The following LRP1B variants were observed in gnomAD, a reference collection of about 807,000 sequenced individuals.
LRP1B encodes the protein low-density lipoprotein receptor-related protein 1B.
A neutral mutation model predicts 556.6 loss-of-function variants in LRP1B; 217 were observed. The ratio of observed to expected loss-of-function variants is 0.39; its 90% CI spans 0.35 to 0.44. The LOEUF (loss-of-function observed/expected upper bound fraction) is 0.44, where lower values mean the gene tolerates loss of function less well. LRP1B is among the 20% of genes least tolerant of loss of function. The pLI is 1.00. For synonymous variants in LRP1B, 2,047 were observed against 1,865.8 expected (o/e 1.10, Z -2.50); for missense variants, 5,053 against 5,620.8 (o/e 0.90, Z 3.23).
intron 1 of LRP1B, among the ~76,000 whole-genome samples, chr2:141,987,583 C>G (rs1450114732): frequency 8.3e-6 from 1 of 120,276 alleles, no homozygotes; most frequent in Non-Finnish European, 1.8e-5. Flanking sequence ...TTCTTTTTCT[C>G]TCTTTGTGTC....
At chr2:140,632,946 C>T (rs1683941312) in intron 41 of LRP1B, among the ~76,000 whole-genome samples, 1 of 151,794 alleles carries the variant, frequency 6.6e-6, no homozygotes, top group South Asian at 2.1e-4. Flanking sequence ...ACCTGTAGTC[C>T]CAGCTACGTG....
intron 2 of LRP1B, among the ~76,000 whole-genome samples, chr2:141,612,145 A>C (rs563503827): frequency 6.4e-4 from 97 of 152,334 alleles, no homozygotes; most frequent in African/African-American, 2.2e-3. Flanking sequence ...ACTGCTTCAG[A>C]ATTAGTCATC....
At chr2:140,758,299 A>G (rs924384116) in intron 35 of LRP1B, among the ~76,000 whole-genome samples, 8 of 152,100 alleles carry the variant, frequency 5.3e-5, no homozygotes, top group Admixed American at 3.9e-4. Context: ...TAAAAGAAAC[A>G]AGAAACAATC....
At chr2:140,870,390 C>T (rs540827636) in intron 25 of LRP1B, among the ~76,000 whole-genome samples, 1 of 152,252 alleles carries the variant, frequency 6.6e-6, no homozygotes, top group African/African-American at 2.4e-5. Context: ...CCTCAAAATG[C>T]CTTACATTCC....
chr2:141,005,217 C>G, intron 15 of LRP1B, 118 bp downstream of exon 15: 1 of 1,113,132 alleles, frequency 9.0e-7, no homozygotes, highest in South Asian at 1.9e-5. Context: ...AGAATTATAT[C>G]TAAATAATTA....
In LRP1B at chr2:141,667,991, A is replaced by G. The variant is rs190818868; in HGVS notation, c.205+142288T>C. ...ATAATACATAACCAAGAGTTATTATATTAGAGATTACATGTGTATGTCAAG... is the reference window on the plus strand; with the variant it reads ...ATAATACATAACCAAGAGTTATTATGTTAGAGATTACATGTGTATGTCAAG... On this transcript the variant is annotated intron_variant, in intron 2 of 90. Transcript: ENST00000389484. Among the ~76,000 whole-genome samples the G allele has an allele frequency of 8.5e-5, 13 of 152,340 alleles. No individual in the cohort carries two copies. The South Asian group carries it at 1.0e-3, about 12-fold the overall frequency.
intron 53 of LRP1B, among the ~76,000 whole-genome samples, chr2:140,506,265 G>T: frequency 6.6e-6 from 1 of 151,986 alleles, no homozygotes; most frequent in East Asian, 1.9e-4. Flanking sequence ...TTTATTTTGA[G>T]ATGGAGTCTC....
chr2:141,075,319 T>G (rs573845508), intron 7 of LRP1B, among the ~76,000 whole-genome samples: 1 of 152,150 alleles, frequency 6.6e-6, no homozygotes, highest in Admixed American at 6.5e-5. Flanking sequence ...TTCAATTGAG[T>G]AAAAACAGCA....
chr2:141,091,165 A>G (rs1700161936), intron 7 of LRP1B, among the ~76,000 whole-genome samples: 2 of 152,112 alleles, frequency 1.3e-5, no homozygotes, highest in South Asian at 4.1e-4. Context: ...AAAAGATCAG[A>G]TAAAGAGAGA....
intron 51 of LRP1B, among the ~76,000 whole-genome samples, chr2:140,512,356 A>G (rs890678645): frequency 2.6e-5 from 4 of 152,192 alleles, no homozygotes; most frequent in Admixed American, 6.5e-5. Context: ...TGGGCCAAAG[A>G]AAAAATTCAT....
intron 3 of LRP1B, among the ~76,000 whole-genome samples, chr2:141,408,457 T>C (rs1018328471): frequency 1.4e-4 from 21 of 151,992 alleles, no homozygotes; most frequent in Non-Finnish European, 2.4e-4. Flanking sequence ...TTTCATAAGG[T>C]TTTTAAGATT....
intron 66 of LRP1B, among the ~76,000 whole-genome samples, chr2:140,399,682 A>C (rs954510481): frequency 3.3e-5 from 5 of 152,200 alleles, no homozygotes; most frequent in Non-Finnish European, 7.3e-5. Flanking sequence ...CATTTGTAGA[A>C]TCATTTCAAC....
chr2:141,808,693 A>G (rs945826121), intron 2 of LRP1B, among the ~76,000 whole-genome samples: 4 of 152,248 alleles, frequency 2.6e-5, no homozygotes, highest in African/African-American at 4.8e-5. Context: ...GAATATTTTT[A>G]TAAACCCCCA....
intron 6 of LRP1B, among the ~76,000 whole-genome samples, chr2:141,199,898 A>G (rs889649072): frequency 6.6e-6 from 1 of 152,028 alleles, no homozygotes; most frequent in East Asian, 1.9e-4. Context: ...AATCAGAATG[A>G]CTATTATTAA....
chr2:140,276,025 TC>T (rs1344372139), intron 84 of LRP1B, among the ~76,000 whole-genome samples: 7 of 151,948 alleles, frequency 4.6e-5, no homozygotes, highest in African/African-American at 1.7e-4. Flanking sequence ...ATATAAATGA[TC>T]CTATGCAAAA....
intron 21 of LRP1B, among the ~76,000 whole-genome samples, chr2:140,914,785 A>G (rs1694525571): frequency 6.6e-6 from 1 of 152,206 alleles, no homozygotes; most frequent in Admixed American, 6.5e-5. Flanking sequence ...CAATGTGAGA[A>G]TTCATAAGAA....
chr2:140,264,981 C>T (rs1240680845), intron 86 of LRP1B, among the ~76,000 whole-genome samples: 1 of 151,880 alleles, frequency 6.6e-6, no homozygotes, highest in Non-Finnish European at 1.5e-5. Flanking sequence ...GTGTGTGTGC[C>T]TGTGTTCATG....
At chr2:141,310,859 C>T (rs188549065) in intron 3 of LRP1B, among the ~76,000 whole-genome samples, 89 of 152,270 alleles carry the variant, frequency 5.8e-4, no homozygotes, top group African/African-American at 2.1e-3. Flanking sequence ...AATCTTATTA[C>T]TACTTCCAGC....
chr2:140,410,405 C>G (rs975474736), intron 66 of LRP1B, among the ~76,000 whole-genome samples: 2 of 151,854 alleles, frequency 1.3e-5, no homozygotes, highest in Non-Finnish European at 2.9e-5. Context: ...GCTTTACTCC[C>G]AAATGTCTTT....
Sources: allele counts gnomAD v4.1 joint callset (sites outside exome capture counted in the v4.1 genomes callset), GRCh38; gene constraint gnomAD v4.1.1; transcripts MANE v1.5; gene names NCBI Gene and HGNC (gene_info 2026-07-23, HGNC 2026-07-21).